LPL: variants seen among roughly 807,000 people sequenced by gnomAD.
LPL encodes the protein lipoprotein lipase, also known as phospholipase A1.
A neutral mutation model predicts 52.2 loss-of-function variants in LPL; 43 were observed. That is an observed-to-expected ratio of 0.82 (90% confidence interval 0.64 to 1.06). LPL has a LOEUF of 1.06. LPL is among the 50% of genes least tolerant of loss of function. LPL has a pLI of 0.00. For missense variants in LPL, 639 were observed against 585.3 expected, an observed-to-expected ratio of 1.09 and a Z score of -0.95; for synonymous variants, 244 against 215.6, an observed-to-expected ratio of 1.13 and a Z score of -1.15.
At chr8:19,942,538 A>C (rs577465980) in intron 1 of LPL, among the ~76,000 whole-genome samples, 8 of 152,366 alleles carry the variant, frequency 5.3e-5, no homozygotes, top group African/African-American at 1.9e-4. Flanking sequence ...TATCCATTAA[A>C]TGAGTTTGTC....
chr8:19,951,939 C>A lies in LPL; in HGVS notation c.420C>A (p.Asn140Lys), dbSNP rs1375340436. ...GACAGGATGTGGCCCGGTTTATCAA[C>A]TGGATGGAGGTAAGACTGGGAGAAG... ...LVGQDVARFI[N>K]WMEEEFNYPL... Residue 140 changes from asparagine to lysine, a missense_variant, in exon 3 of 10, where the codon AAC (asparagine) becomes AAA (lysine). By Grantham distance (94) the Asn-to-Lys change is moderately conservative (BLOSUM62 0). Coordinates refer to ENST00000650287, the MANE Select transcript of LPL (RefSeq NM_000237.3). 6.2e-7 allele frequency: 1 copy of A among 1,614,038 alleles called. No individual in the cohort carries two copies. Among genetic ancestry groups the A allele is most frequent in the Non-Finnish European group, 8.5e-7 (1 of 1,180,038 alleles).
intron 1 of LPL, among the ~76,000 whole-genome samples, chr8:19,947,896 C>G (rs190277988): frequency 2.8e-4 from 43 of 152,210 alleles, no homozygotes; most frequent in African/African-American, 8.9e-4. Flanking sequence ...AAATCACAAA[C>G]GTACACACAC....
intron 1 of LPL, among the ~76,000 whole-genome samples, chr8:19,942,119 G>A (rs571814232): frequency 1.3e-5 from 2 of 152,318 alleles, no homozygotes; most frequent in East Asian, 1.9e-4. Context: ...AGTCAGGTAC[G>A]GGGGAAGAGC....
rs1388358207 is a variant in LPL, at chr8:19,939,718, C to G, written c.88+190C>G. On this transcript the variant is annotated intron_variant, in intron 1 of 9. Transcript: ENST00000650287. The surrounding 1 kb of genome is among the most constrained non-coding windows in gnomAD (Gnocchi z 4.0). ...GAGGGGCCGGGAGGGAATCTCCTCC[C>G]GATCGTGAAGCGGCGGCGCCCAGTT... is the stretch of plus-strand genomic sequence containing the variant. Among the ~76,000 whole-genome samples the G allele has an allele frequency of 6.6e-6, 1 of 152,190 alleles. No homozygotes were observed. Among genetic ancestry groups the G allele is most frequent in the African/African-American group, 2.4e-5 (1 of 41,466 alleles).
At chr8:19,956,118 G>A (rs1254622764) in intron 6 of LPL, 35 bp downstream of exon 6, 1 of 1,613,044 alleles carries the variant, frequency 6.2e-7, no homozygotes, top group East Asian at 2.2e-5. Context: ...AGGAAACCAA[G>A]GAGTCCTATT....
rs141136113 is a variant in LPL at position 19,948,244 on chromosome 8, G to A, written c.153G>A (p.Glu51=). The change falls in exon 2 of 10, where the codon GAG becomes GAA. Residue 51 remains glutamate, a synonymous_variant. Coordinates refer to ENST00000650287, the MANE Select transcript of LPL (RefSeq NM_000237.3). ...FALRTPEDTA[E]DTCHLIPGVA... is the part of the protein sequence containing the mutation. ...TAAGGACCCCTGAAGACACAGCTGA[G>A]GACACTTGCCACCTCATTCCCGGAG... The A allele has an allele frequency of 3.7e-6, 6 of 1,613,996 alleles. No individual in the cohort carries two copies. The African/African-American group carries it at 8.0e-5, about 22-fold the overall frequency.
rs1188511589 is a variant in LPL, at chr8:19,939,719, G to A, written c.88+191G>A. ...AGGGGCCGGGAGGGAATCTCCTCCC[G>A]ATCGTGAAGCGGCGGCGCCCAGTTC... On this transcript the variant is annotated intron_variant, in intron 1 of 9. Transcript: ENST00000650287. This position sits in a 1 kb window ranked among gnomAD's most constrained non-coding sequence, Gnocchi z 4.0. Among the ~76,000 whole-genome samples the A allele has an allele frequency of 6.6e-6, 1 of 152,206 alleles. No homozygotes were observed. Among genetic ancestry groups the A allele is most frequent in the African/African-American group, 2.4e-5 (1 of 41,466 alleles).
chr8:19,956,513 A>C (rs2069987336), intron 6 of LPL, among the ~76,000 whole-genome samples: 1 of 152,096 alleles, frequency 6.6e-6, no homozygotes, highest in Non-Finnish European at 1.5e-5. Context: ...TAAAAAGGTA[A>C]ACTTGTGACA....
Position 19,951,894 on chromosome 8 carries a change from G to C in LPL, c.375G>C (p.Ala125=), listed in dbSNP as rs780831995. 3.1e-6 allele frequency: 5 copies of C among 1,614,122 alleles called. No homozygotes were observed. The highest frequency in any genetic ancestry group is 2.2e-5 in the South Asian group (2 of 91,080). The part of the protein sequence containing the change: ...SRAQEHYPVS[A]GYTKLVGQDV... ...CTCAGGAGCATTACCCAGTGTCCGCGGGCTACACCAAACTGGTGGGACAGG... is the reference window on the plus strand; with the variant it reads ...CTCAGGAGCATTACCCAGTGTCCGCCGGCTACACCAAACTGGTGGGACAGG... Residue 125 remains alanine (A), a synonymous_variant, in exon 3 of 10, where the codon GCG becomes GCC. Transcript: ENST00000650287.
At position 19,965,528 on chromosome 8, in the gene LPL, G is replaced by C. The variant is rs2070078014; in HGVS notation, c.*218G>C. 1 of 547,402 alleles carries C rather than the reference G, an allele frequency of 1.8e-6. No individual in the cohort carries two copies. Among genetic ancestry groups the C allele is most frequent in the Non-Finnish European group, 3.3e-6 (1 of 307,424 alleles). 33.9% of individuals were successfully genotyped at this position (547,402 alleles called of 1,614,324 possible). On this transcript the variant is annotated 3_prime_UTR_variant, in exon 10 of 10. Coordinates refer to ENST00000650287, the MANE Select transcript of LPL (RefSeq NM_000237.3). ...ATTTATGGGGTATAGTGGCCAAATA[G>C]CACATCCTCCAACGTTAAAAGACAG...
At position 19,950,971 on chromosome 8, in the gene LPL, GAA is replaced by G. The variant is rs1184011914; in HGVS notation, c.250-796_250-795del. Among the ~76,000 whole-genome samples, 1 of 148,984 alleles carries G rather than the reference GAA, an allele frequency of 6.7e-6. No individual in the cohort carries two copies. Among genetic ancestry groups the G allele is most frequent in the Non-Finnish European group, 1.5e-5 (1 of 67,296 alleles). On this transcript the variant is annotated intron_variant, in intron 2 of 9. Transcript: ENST00000650287. The surrounding 1 kb of genome is among the most constrained non-coding windows in gnomAD (Gnocchi z 4.2). ...AAAGGAAGGAAGAACAAAGAAAAGA[GAA>G]ACACTGGTAGTACAGAAAAACTTCT...
intron 9 of LPL, among the ~76,000 whole-genome samples, chr8:19,964,268 A>G (rs539111618): frequency 6.6e-6 from 1 of 152,244 alleles, no homozygotes; most frequent in African/African-American, 2.4e-5. Flanking sequence ...GCAGTTTTAT[A>G]CATGCATTTG....
chr8:19,960,855 A>G, intron 7 of LPL, 46 bp from the exon 8 acceptor site: 1 of 1,403,526 alleles, frequency 7.1e-7, no homozygotes, highest in Non-Finnish European at 1.0e-6. Context: ...GGGGGCAGGG[A>G]GAGCTGATCT....
At chr8:19,963,914 T>A (rs75278536) in intron 9 of LPL, among the ~76,000 whole-genome samples, 7 of 152,104 alleles carry the variant, frequency 4.6e-5, no homozygotes, top group Non-Finnish European at 7.4e-5. Flanking sequence ...TCTTCAGTTC[T>A]TAGAAAGAGA....
intron 9 of LPL, among the ~76,000 whole-genome samples, chr8:19,964,127 T>C (rs550646065): frequency 1.8e-4 from 28 of 152,080 alleles, no homozygotes; most frequent in African/African-American, 6.8e-4. Flanking sequence ...TAATTTCGTA[T>C]TTTTAGTAGA....
Position 19,958,740 on chromosome 8 carries a change from G to A in LPL, c.1019-520G>A, listed in dbSNP as rs145585712. On this transcript the variant is annotated intron_variant, in intron 6 of 9. Transcript: ENST00000650287. Reference sequence around the variant, plus strand: ...ACTAGACACCTAATCTGCGCTAGATGGTGGGGGAATTAAGAGCATGGGCAT... The same window carrying A: ...ACTAGACACCTAATCTGCGCTAGATAGTGGGGGAATTAAGAGCATGGGCAT... Among the ~76,000 whole-genome samples the A allele has an allele frequency of 1.1e-3, 174 of 152,248 alleles. 1 individual carries two copies. The highest frequency in any genetic ancestry group is 4.1e-3 in the African/African-American group (170 of 41,540).
chr8:19,959,847 G>A (rs2128839354), intron 7 of LPL, among the ~76,000 whole-genome samples: 1 of 126,374 alleles, frequency 7.9e-6, no homozygotes, highest in East Asian at 2.5e-4. Context: ...GGAGTGCAGT[G>A]ATTCGATCTC....
intron 9 of LPL, among the ~76,000 whole-genome samples, chr8:19,963,758 A>G (rs938961615): frequency 6.6e-6 from 1 of 152,168 alleles, no homozygotes; most frequent in African/African-American, 2.4e-5. Context: ...TTAATGTAAG[A>G]GCATTCAGGA....
intron 3 of LPL, among the ~76,000 whole-genome samples, 151 bp from the exon 4 acceptor site, chr8:19,953,157 TTC>T (rs1563573972): frequency 1.3e-5 from 2 of 152,192 alleles, no homozygotes; most frequent in Admixed American, 1.3e-4. Flanking sequence ...AGAGAATATT[TTC>T]TCTCTCTTAC....
Sources: gnomAD v4.1 joint callset for allele counts (sites outside exome capture counted in the v4.1 genomes callset) on GRCh38, gnomAD v4.1.1 for gene constraint, Gnocchi (gnomAD v3.1) non-coding constraint, MANE v1.5 for transcripts, NCBI Gene and HGNC (gene_info 2026-07-23, HGNC 2026-07-21) for gene names.